The following TRIM55 variants were observed in gnomAD, a reference collection of about 807,000 sequenced individuals.
TRIM55 encodes the protein tripartite motif containing 55.
A neutral mutation model predicts 60.9 loss-of-function variants in TRIM55; 50 were observed. The observed-to-expected ratio is 0.82, with a 90% CI of 0.65 to 1.04. The LOEUF (loss-of-function observed/expected upper bound fraction) is 1.04, where lower values mean the gene tolerates loss of function less well. TRIM55 is among the 50% of genes least tolerant of loss of function. The pLI is 0.00. For missense variants in TRIM55, 681 were observed against 666.9 expected, an observed-to-expected ratio of 1.02 and a Z score of -0.23; for synonymous variants, 237 against 238.1, an observed-to-expected ratio of 1.00 and a Z score of 0.04.
At chr8:66,120,705 G>T in the TRIM55 span, among the ~76,000 whole-genome samples, 36 of 152,306 alleles carry the variant, frequency 2.4e-4, no homozygotes, top group Admixed American at 1.4e-3. Context: ...GAGAGGACAT[G>T]GAAGTTCACA....
At chr8:66,121,644 C>G in the TRIM55 span, among the ~76,000 whole-genome samples, 345 of 152,278 alleles carry the variant, frequency 2.3e-3, 3 homozygotes, top group Non-Finnish European at 2.4e-3. Context: ...TCAAATAAGG[C>G]AAACGCTGAG....
At chr8:66,168,515 C>T (rs560759927) in intron 9 of TRIM55, among the ~76,000 whole-genome samples, 2 of 152,338 alleles carry the variant, frequency 1.3e-5, no homozygotes, top group South Asian at 4.1e-4. Context: ...CTGACCCAGC[C>T]TAGCAGGTGC....
chr8:66,156,815 T>C (rs1731728178), intron 9 of TRIM55, among the ~76,000 whole-genome samples: 1 of 152,184 alleles, frequency 6.6e-6, no homozygotes, highest in Non-Finnish European at 1.5e-5. Flanking sequence ...GAACTGTGTG[T>C]GAGCAGGACC....
the TRIM55 span, chr8:66,114,485 A>G: frequency 2.2e-6 from 1 of 448,786 alleles, no homozygotes; most frequent in Non-Finnish European, 4.5e-6. Flanking sequence ...TTGCTTCAAA[A>G]ATGGCGACAG....
chr8:66,129,798 A>G (rs1809036466), intron 2 of TRIM55, among the ~76,000 whole-genome samples: 1 of 152,272 alleles, frequency 6.6e-6, no homozygotes, highest in Non-Finnish European at 1.5e-5. Context: ...ATTACTTTTC[A>G]TGGCCAAAAC....
the TRIM55 span, among the ~76,000 whole-genome samples, chr8:66,119,235 G>T: frequency 1.3e-5 from 2 of 152,146 alleles, no homozygotes; most frequent in Non-Finnish European, 2.9e-5. Flanking sequence ...AAGAAAGCAA[G>T]AATACTTCCT....
At chr8:66,151,707 G>C (rs1452909406) in intron 7 of TRIM55, among the ~76,000 whole-genome samples, 2 of 151,954 alleles carry the variant, frequency 1.3e-5, no homozygotes. Flanking sequence ...AGCCGGGCGT[G>C]GTGGCGTACG....
In TRIM55 at chr8:66,127,498, C is replaced by T. The variant is rs960207361; in HGVS notation, c.168+62C>T. The stretch of plus-strand genomic sequence containing the variant: ...GGAAAAGATTCCCTCCTCTTGGAAT[C>T]AAGTGCTTAACATTGAGGTGAAATC... On this transcript the variant is annotated intron_variant, in intron 1 of 9. Coordinates refer to ENST00000315962, the MANE Select transcript of TRIM55 (RefSeq NM_184085.2). The T allele has an allele frequency of 2.5e-6, 4 of 1,578,198 alleles. No homozygotes were observed. The East Asian group carries it at 6.7e-5, about 27-fold the overall frequency.
At chr8:66,144,823 A>G (rs1304418516) in intron 4 of TRIM55, among the ~76,000 whole-genome samples, 2 of 152,210 alleles carry the variant, frequency 1.3e-5, no homozygotes, top group Non-Finnish European at 2.9e-5. Flanking sequence ...TATGGTTGCT[A>G]TCATGCTTTT....
the TRIM55 span, among the ~76,000 whole-genome samples, chr8:66,114,081 C>G: frequency 2.6e-5 from 1 of 39,150 alleles, no homozygotes; most frequent in African/African-American, 7.5e-5. Context: ...GAAGGAGAGA[C>G]ACCCCCCCCC....
chr8:66,173,554 T>C lies in TRIM55; in HGVS notation c.1525-917T>C, dbSNP rs1177512330. On this transcript the variant is annotated intron_variant, in intron 9 of 9. Coordinates refer to ENST00000315962, the MANE Select transcript of TRIM55 (RefSeq NM_184085.2). ...CACTGCTTTGAAATCAGTGGCATTC[T>C]AATCTGGTGGGATAATTTTACCAGT... 2.6e-5 allele frequency among the ~76,000 whole-genome samples: 4 copies of C among 152,234 alleles called. No individual in the cohort carries two copies. In the East Asian group the frequency reaches 7.7e-4, roughly 29 times the overall value.
chr8:66,153,863 G>A (rs1038890196), intron 8 of TRIM55, among the ~76,000 whole-genome samples, 184 bp from the exon 9 acceptor site: 6 of 152,212 alleles, frequency 3.9e-5, no homozygotes, highest in African/African-American at 1.4e-4. Context: ...GGACAGAGGG[G>A]CACTGTAGTC....
intron 4 of TRIM55, among the ~76,000 whole-genome samples, chr8:66,140,571 C>A (rs2128976562): frequency 6.6e-6 from 1 of 152,322 alleles, no homozygotes; most frequent in East Asian, 1.9e-4. Context: ...TCCAGATGGC[C>A]ACCCTGTGCA....
intron 2 of TRIM55, among the ~76,000 whole-genome samples, chr8:66,130,057 A>G (rs1371114334): frequency 6.6e-6 from 1 of 152,248 alleles, no homozygotes; most frequent in Non-Finnish European, 1.5e-5. Flanking sequence ...CAATAAATTT[A>G]TGTTTTGTTA....
At chr8:66,162,509 G>A (rs1209652746) in intron 9 of TRIM55, among the ~76,000 whole-genome samples, 2 of 149,348 alleles carry the variant, frequency 1.3e-5, no homozygotes, top group South Asian at 4.2e-4. Flanking sequence ...CCCTGGTTTT[G>A]GTATTAGGGT....
At chr8:66,128,777 A>G (rs1484284694) in intron 2 of TRIM55, among the ~76,000 whole-genome samples, 1 of 152,180 alleles carries the variant, frequency 6.6e-6, no homozygotes, top group Non-Finnish European at 1.5e-5. Flanking sequence ...AAAGCCTGGT[A>G]TTACATCCAT....
chr8:66,114,890 AGAGAATTAATTG>A, the TRIM55 span: 1 of 295,040 alleles, frequency 3.4e-6, no homozygotes, highest in Non-Finnish European at 6.8e-6. Flanking sequence ...CAGCGCTGAG[AGAGAATTAATTG>A]GATAAAAGTT....
chr8:66,169,233 G>T (rs1033889497), intron 9 of TRIM55, among the ~76,000 whole-genome samples: 1 of 152,172 alleles, frequency 6.6e-6, no homozygotes, highest in Non-Finnish European at 1.5e-5. Flanking sequence ...AAGAGGTGGG[G>T]TGAGATGCAT....
At chr8:66,122,247 C>T (rs1646908128), upstream of TRIM55, among the ~76,000 whole-genome samples, 1 of 152,174 alleles carries the variant, frequency 6.6e-6, no homozygotes, top group Admixed American at 6.5e-5. Flanking sequence ...TTCAAAGTCA[C>T]CCCTCTGCTC....
Sources: allele counts gnomAD v4.1 joint callset (sites outside exome capture counted in the v4.1 genomes callset), GRCh38; gene constraint gnomAD v4.1.1; transcripts MANE v1.5; gene names NCBI Gene and HGNC (gene_info 2026-07-23, HGNC 2026-07-21).